Variants in AFAP1 observed in about 807,000 individuals in gnomAD.
AFAP1 encodes actin filament-associated protein 1.
Under a neutral mutation model 93.9 loss-of-function variants are expected in AFAP1, and 75 were observed. The observed-to-expected ratio is 0.80, with a 90% confidence interval of 0.66 to 0.97. The LOEUF is 0.97. Ranked by LOEUF, AFAP1 falls within the 50% of genes least tolerant of loss-of-function variation. The probability of loss-of-function intolerance (pLI) is 0.00; values close to 1 mark genes in which losing one functional copy is unlikely to be tolerated. For missense variants in AFAP1, 1,201 were observed against 1,050.8 expected (o/e 1.14, Z -1.98); for synonymous variants, 517 against 430.7 (o/e 1.20, Z -2.48).
chr4:7,886,996 A>G (rs1271447446), intron 1 of AFAP1, among the ~76,000 whole-genome samples: 1 of 152,202 alleles, frequency 6.6e-6, no homozygotes, highest in Non-Finnish European at 1.5e-5. Flanking sequence ...CACAACCTAG[A>G]ACAGCAGACA....
rs35550085 is a variant in AFAP1 at position 7,795,405 on chromosome 4, C to CT, written c.1267-1580dup. Among the ~76,000 whole-genome samples, 163 of 62,098 alleles carry CT rather than the reference C, an allele frequency of 2.6e-3. 30 individuals are homozygous for CT. Among genetic ancestry groups the CT allele is most frequent in the Non-Finnish European group, 3.3e-3 (121 of 36,142 alleles). 40.7% of individuals were successfully genotyped at this position (62,098 alleles called of 152,430 possible). ...TCTTATGTCCTTCCTAAAACAAAAT[C>CT]TTTTTTTTTTTTTTTTTTTTTTTTT... On this transcript the variant is annotated intron_variant, in intron 10 of 17. Coordinates refer to ENST00000420658, the MANE Select transcript of AFAP1 (RefSeq NM_001134647.2).
At chr4:7,823,917 T>C (rs993064903) in intron 6 of AFAP1, among the ~76,000 whole-genome samples, 2 of 152,222 alleles carry the variant, frequency 1.3e-5, no homozygotes, top group Non-Finnish European at 2.9e-5. Flanking sequence ...CCCCCAGGCA[T>C]AATAACTATG....
At chr4:7,823,308 A>G (rs1721137416) in intron 6 of AFAP1, among the ~76,000 whole-genome samples, 1 of 152,204 alleles carries the variant, frequency 6.6e-6, no homozygotes, top group Non-Finnish European at 1.5e-5. Context: ...ATTTCTATGA[A>G]GAAAAAAAAG....
intron 5 of AFAP1, among the ~76,000 whole-genome samples, chr4:7,842,438 A>G (rs1189693380): frequency 2.6e-5 from 4 of 152,108 alleles, no homozygotes; most frequent in Non-Finnish European, 4.4e-5. Flanking sequence ...CTGAAGGAAG[A>G]ACAAAAGGCA....
chr4:7,821,115 T>C (rs1010758992), intron 6 of AFAP1, among the ~76,000 whole-genome samples: 4 of 152,148 alleles, frequency 2.6e-5, no homozygotes, highest in Non-Finnish European at 5.9e-5. Context: ...TGAAACTCCA[T>C]CTCCAAAAAT....
chr4:7,920,167 T>TA (rs755551661), intron 1 of AFAP1, among the ~76,000 whole-genome samples: 2 of 152,194 alleles, frequency 1.3e-5, no homozygotes, highest in Admixed American at 6.5e-5. Context: ...GGTAATGGGA[T>TA]TGCTGAGTCA....
chr4:7,860,841 C>A (rs1363406764), intron 3 of AFAP1, among the ~76,000 whole-genome samples: 7 of 152,200 alleles, frequency 4.6e-5, no homozygotes, highest in African/African-American at 1.7e-4. Flanking sequence ...CAAGCAGACG[C>A]ATCATTTCTT....
chr4:7,894,236 C>T (rs1362689557), intron 1 of AFAP1, among the ~76,000 whole-genome samples: 1 of 152,172 alleles, frequency 6.6e-6, no homozygotes, highest in East Asian at 1.9e-4. Flanking sequence ...AACACAGACA[C>T]GTCCATTCAT....
rs142031960 is a variant in AFAP1, at chr4:7,891,796, C to G, written c.-2-19716G>C. 5.7e-3 allele frequency among the ~76,000 whole-genome samples: 820 copies of G among 143,562 alleles called. 5 individuals carry two copies. The highest frequency in any genetic ancestry group is 0.018 in the African/African-American group (715 of 38,838). 94.2% of individuals were successfully genotyped at this position (143,562 alleles called of 152,430 possible). A position where few individuals can be genotyped will look rare whatever the true frequency, so the allele number is the denominator to read the frequency against. On this transcript the variant is annotated intron_variant, in intron 1 of 17. Transcript: ENST00000420658. ...GGGCGTGGTGGCTTACACCTATAAT[C>G]CCAGCACTTTGGGATGCCAAGGCGG...
intron 4 of AFAP1, among the ~76,000 whole-genome samples, chr4:7,847,655 T>C (rs1243670965): frequency 6.6e-6 from 1 of 152,192 alleles, no homozygotes; most frequent in Non-Finnish European, 1.5e-5. Context: ...TAAGAGGTCA[T>C]AAACGTTTTG....
chr4:7,789,054 C>T (rs1057367090), intron 11 of AFAP1: 2 of 152,580 alleles, frequency 1.3e-5, no homozygotes, highest in African/African-American at 4.8e-5. Context: ...CACAGGCACA[C>T]AGAATGTCCT....
intron 1 of AFAP1, among the ~76,000 whole-genome samples, chr4:7,913,757 A>G (rs1183901197): frequency 6.6e-6 from 1 of 152,240 alleles, no homozygotes; most frequent in East Asian, 1.9e-4. Context: ...TAAAATGCAA[A>G]GCTAAAATTC....
At chr4:7,831,809 T>C (rs1711653375) in intron 6 of AFAP1, among the ~76,000 whole-genome samples, 2 of 152,116 alleles carry the variant, frequency 1.3e-5, no homozygotes, top group Non-Finnish European at 2.9e-5. Context: ...ACCAAAAGCA[T>C]GGGATCGGGT....
chr4:7,760,948 C>T lies in AFAP1; in HGVS notation c.*2817G>A, dbSNP rs2285767. ...GTACCAGTGACATTGCGAAGAAATCCGGCTTCTCCGGGGACCCTGGCCTGC... is the reference window on the plus strand; with the variant it reads ...GTACCAGTGACATTGCGAAGAAATCTGGCTTCTCCGGGGACCCTGGCCTGC... On this transcript the variant is annotated 3_prime_UTR_variant, in exon 18 of 18. Transcript: ENST00000420658. 0.1 allele frequency: 15,703 copies of T among 152,266 alleles called. 1,330 individuals are homozygous for T. Among genetic ancestry groups the T allele is most frequent in the East Asian group, 0.49 (2,500 of 5,136 alleles). The allele number at this position is 152,266 out of a possible 1,614,324, so 9.4% of individuals were successfully genotyped here. A position where few individuals can be genotyped will look rare whatever the true frequency, so the allele number is the denominator to read the frequency against.
At chr4:7,867,118 GAGGGT>G (rs1560209650) in intron 3 of AFAP1, among the ~76,000 whole-genome samples, 3 of 85,958 alleles carry the variant, frequency 3.5e-5, no homozygotes, top group East Asian at 3.5e-4. Context: ...GAGGGGAGGG[GAGGGT>G]AGGGGAGCGG....
intron 14 of AFAP1, chr4:7,775,166 A>C: frequency 2.6e-6 from 1 of 385,902 alleles, no homozygotes; most frequent in South Asian, 4.7e-5. Context: ...ATTCAAGCAG[A>C]TAATGGGGTA....
At chr4:7,800,349 G>C in intron 10 of AFAP1, 93 bp downstream of exon 10, 1 of 1,343,544 alleles carries the variant, frequency 7.4e-7, no homozygotes, top group African/African-American at 1.4e-5. Flanking sequence ...CGAGATGGGA[G>C]GAATTTTGAT....
intron 6 of AFAP1, among the ~76,000 whole-genome samples, chr4:7,834,598 C>G (rs1006269605): frequency 6.6e-6 from 1 of 152,250 alleles, no homozygotes; most frequent in African/African-American, 2.4e-5. Context: ...TGATAGTAAG[C>G]AAGGCCTGGG....
intron 1 of AFAP1, among the ~76,000 whole-genome samples, chr4:7,910,529 A>G (rs1342803071): frequency 6.6e-6 from 1 of 152,258 alleles, no homozygotes; most frequent in Admixed American, 6.5e-5. Flanking sequence ...AAGTGGAAGC[A>G]GAAAATTGAG....
Sources: allele counts gnomAD v4.1 joint callset (sites outside exome capture counted in the v4.1 genomes callset), GRCh38; gene constraint gnomAD v4.1.1; transcripts MANE v1.5; gene names NCBI Gene and HGNC (gene_info 2026-07-23, HGNC 2026-07-21).